Variants in PHKA1 observed in about 807,000 individuals in gnomAD.
PHKA1 encodes the protein phosphorylase b kinase regulatory subunit alpha, skeletal muscle isoform.
Under a neutral mutation model 110.2 loss-of-function variants are expected in PHKA1, and 60 were observed. The ratio of observed to expected loss-of-function variants is 0.54; its 90% CI spans 0.44 to 0.68. The LOEUF (loss-of-function observed/expected upper bound fraction) is 0.68, where lower values mean the gene tolerates loss of function less well. Ranked by LOEUF, PHKA1 falls within the 30% of genes least tolerant of loss-of-function variation. The pLI is 0.00. For missense variants in PHKA1, 801 were observed against 942.5 expected (o/e 0.85, Z 1.97); for synonymous variants, 316 against 333.6 (o/e 0.95, Z 0.58).
chrX:72,588,015 C>A (rs1257421754), intron 29 of PHKA1, among the ~76,000 whole-genome samples: 1 of 111,451 alleles, frequency 9.0e-6, no homozygotes, highest in East Asian at 2.8e-4. Context: ...CAATATTAGA[C>A]AGATCAATGA....
At chrX:72,687,402 G>A (rs998579299) in intron 4 of PHKA1, among the ~76,000 whole-genome samples, 1 of 112,029 alleles carries the variant, frequency 8.9e-6, no homozygotes, top group Non-Finnish European at 1.9e-5. Flanking sequence ...ATCAGAGGCT[G>A]AGAGAAGGCA....
chrX:72,598,252 A>G (rs1329211828), intron 28 of PHKA1, among the ~76,000 whole-genome samples: 1 of 111,988 alleles, frequency 8.9e-6, no homozygotes, highest in African/African-American at 3.2e-5. Context: ...TGGGCACATG[A>G]AAAGACACTC....
chrX:72,660,532 A>AT, intron 8 of PHKA1: 1 of 402,070 alleles, frequency 2.5e-6, no homozygotes, highest in Non-Finnish European at 4.0e-6. Context: ...GAATTGGACC[A>AT]TAACAGCCCA....
At chrX:72,684,705 A>G (rs781981873) in intron 4 of PHKA1, 125 bp from the exon 5 acceptor site, 12 of 497,832 alleles carry the variant, frequency 2.4e-5, no homozygotes, top group Non-Finnish European at 4.3e-5. Flanking sequence ...GAACAATGGA[A>G]GGCACTTTGA....
chrX:72,594,983 A>C (rs1041003339), intron 28 of PHKA1, among the ~76,000 whole-genome samples: 5 of 112,045 alleles, frequency 4.5e-5, no homozygotes, highest in Admixed American at 3.8e-4. Flanking sequence ...AAATCAGACA[A>C]AGATGTCACC....
chrX:72,613,305 G>A (rs560991848), intron 21 of PHKA1, among the ~76,000 whole-genome samples: 1 of 109,239 alleles, frequency 9.2e-6, no homozygotes, highest in Middle Eastern at 4.8e-3. Flanking sequence ...GCTACCTTTT[G>A]GATAAATAGG....
At chrX:72,596,207 T>C (rs1269304468) in intron 28 of PHKA1, among the ~76,000 whole-genome samples, 1 of 111,772 alleles carries the variant, frequency 8.9e-6, no homozygotes, top group East Asian at 2.8e-4. Flanking sequence ...GAAGAACAAA[T>C]TCTGTATGAT....
chrX:72,689,013 A>G (rs1761677229), intron 4 of PHKA1: 1 of 111,623 alleles, frequency 9.0e-6, no homozygotes, highest in South Asian at 3.8e-4. Flanking sequence ...GTGAGTACAC[A>G]TAAAATGAGA....
At chrX:72,649,162 A>G (rs1339011091) in intron 13 of PHKA1, among the ~76,000 whole-genome samples, 1 of 112,341 alleles carries the variant, frequency 8.9e-6, no homozygotes, top group African/African-American at 3.2e-5. Context: ...ATAAGCAAGA[A>G]CTACCTGTAT....
intron 20 of PHKA1, 38 bp downstream of exon 20, chrX:72,619,176 T>A (rs370166449): frequency 2.2e-6 from 2 of 889,207 alleles, no homozygotes; most frequent in African/African-American, 3.9e-5. Context: ...TGGCAGTTTT[T>A]CAAAAAGCTA....
chrX:72,695,638 T>C, intron 4 of PHKA1, 70 bp downstream of exon 4: 1 of 1,083,369 alleles, frequency 9.2e-7, no homozygotes, highest in Admixed American at 2.2e-5. Flanking sequence ...GTTCTCAATT[T>C]AAAAGAATAT....
intron 6 of PHKA1, among the ~76,000 whole-genome samples, chrX:72,672,990 A>C (rs185367063): frequency 8.9e-6 from 1 of 112,522 alleles, no homozygotes; most frequent in African/African-American, 3.2e-5. Flanking sequence ...AAAGACAAGT[A>C]AGGACTGAGG....
chrX:72,644,737 T>C lies in PHKA1; in HGVS notation c.1325-241A>G, dbSNP rs574677187. ...TTTGCTTTTTGCCTAAATACTTATGTGCTCCTAGAGAATACCACACTCTTT... is the reference window on the plus strand; with the variant it reads ...TTTGCTTTTTGCCTAAATACTTATGCGCTCCTAGAGAATACCACACTCTTT... On this transcript the variant is annotated intron_variant, in intron 13 of 31. Coordinates refer to ENST00000373542, the MANE Select transcript of PHKA1 (RefSeq NM_002637.4). Among the ~76,000 whole-genome samples, 23 of 111,962 alleles carry C rather than the reference T, an allele frequency of 2.1e-4. No homozygotes were observed. In the South Asian group the frequency reaches 8.7e-3, roughly 42 times the overall value.
At chrX:72,635,657 T>C (rs931424775) in intron 15 of PHKA1, among the ~76,000 whole-genome samples, 2 of 112,064 alleles carry the variant, frequency 1.8e-5, no homozygotes, top group African/African-American at 6.5e-5. Flanking sequence ...AAATAGAATC[T>C]ATGATCCATT....
intron 18 of PHKA1, chrX:72,622,318 C>A (rs1298190251): frequency 1.3e-6 from 1 of 751,913 alleles, no homozygotes; most frequent in Non-Finnish European, 1.6e-6. Context: ...TCCAACATAC[C>A]ACTCTTAAGA....
intron 13 of PHKA1, among the ~76,000 whole-genome samples, chrX:72,648,566 C>A (rs1356495525): frequency 9.1e-6 from 1 of 110,141 alleles, no homozygotes; most frequent in Non-Finnish European, 1.9e-5. Context: ...TCATTTGTGT[C>A]TTTTTTTTTC....
Position 72,582,399 on chromosome X carries a change from T to C in PHKA1, c.3497A>G (p.Gln1166Arg), listed in dbSNP as rs1207835162. 2.5e-6 allele frequency: 3 copies of C among 1,178,930 alleles called. No individual in the cohort carries two copies. The highest frequency in any genetic ancestry group is 3.5e-6 in the Non-Finnish European group (3 of 866,787). Residue 1166 changes from glutamine to arginine, a missense_variant and splice_region_variant, in exon 31 of 32, where the codon CAG becomes CGG. Around this residue, in one of 2 missense-constraint regions of PHKA1, gnomAD observed 502 missense variants for 519.2 expected, o/e 0.97. Transcript: ENST00000373542. ...TGAGAAAACAACAGGTTTGCCTACC[T>C]GTTCTTGAAGGAACAAGTCATTGGC... ...HIANDLFLQE[Q>R]KTLGADDTML...
chrX:72,682,969 C>T (rs1407871167), intron 5 of PHKA1, among the ~76,000 whole-genome samples: 13 of 96,873 alleles, frequency 1.3e-4, no homozygotes, highest in African/African-American at 5.0e-4. Context: ...GAAAGTTTTT[C>T]AGGCAGAAGG....
chrX:72,689,697 A>G (rs2054010445), intron 4 of PHKA1, among the ~76,000 whole-genome samples: 1 of 112,189 alleles, frequency 8.9e-6, no homozygotes, highest in Non-Finnish European at 1.9e-5. Context: ...TTGAGTGAAC[A>G]TATGTTTTCA....
Sources: allele counts gnomAD v4.1 joint callset (sites outside exome capture counted in the v4.1 genomes callset), GRCh38; gene constraint gnomAD v4.1.1; regional missense constraint gnomAD v4.1.1; transcripts MANE v1.5; gene names NCBI Gene and HGNC (gene_info 2026-07-23, HGNC 2026-07-21).